TIAM1: variants seen among roughly 807,000 people sequenced by gnomAD.
TIAM1 encodes the protein TIAM Rac1 associated GEF 1, also known as rho guanine nucleotide exchange factor TIAM1.
In TIAM1, 65 loss-of-function variants were observed where a neutral mutation model predicts 163.5. The observed-to-expected ratio is 0.40, with a 90% CI of 0.33 to 0.49. The LOEUF (loss-of-function observed/expected upper bound fraction) is 0.49, where lower values mean the gene tolerates loss of function less well. Among genes scored for constraint, TIAM1 ranks in the 20% least tolerant of loss-of-function variants. The pLI is 0.77. For missense variants in TIAM1, 1,789 were observed against 2,044.7 expected (o/e 0.87, Z 2.41); for synonymous variants, 833 against 810.1 (o/e 1.03, Z -0.48).
intron 2 of TIAM1, among the ~76,000 whole-genome samples, chr21:31,455,494 C>T (rs945205757): frequency 9.2e-5 from 14 of 151,610 alleles, no homozygotes; most frequent in Non-Finnish European, 2.1e-4. Flanking sequence ...CTCACTTCAA[C>T]CTCCACCTCC....
chr21:31,168,461 C>T (rs1327822611), intron 15 of TIAM1, among the ~76,000 whole-genome samples: 4 of 151,658 alleles, frequency 2.6e-5, no homozygotes, highest in South Asian at 2.1e-4. Context: ...AGTGCAGTGG[C>T]GCAATCTCGG....
At chr21:31,494,639 T>C (rs542023865) in intron 1 of TIAM1, among the ~76,000 whole-genome samples, 32 of 152,262 alleles carry the variant, frequency 2.1e-4, no homozygotes, top group African/African-American at 7.2e-4. Context: ...GGTCAAGAGA[T>C]GGAGACCATC....
chr21:31,300,121 C>A (rs1353710365), intron 2 of TIAM1, among the ~76,000 whole-genome samples: 1 of 152,110 alleles, frequency 6.6e-6, no homozygotes, highest in Non-Finnish European at 1.5e-5. Context: ...ACTGTCTTTG[C>A]GACAGTGGGT....
At chr21:31,296,873 C>A (rs1444457410) in intron 2 of TIAM1, among the ~76,000 whole-genome samples, 1 of 152,142 alleles carries the variant, frequency 6.6e-6, no homozygotes, top group South Asian at 2.1e-4. Flanking sequence ...TCGTGTTAGC[C>A]AGGATGGTCT....
intron 2 of TIAM1, among the ~76,000 whole-genome samples, chr21:31,404,650 G>A (rs970091799): frequency 2.6e-5 from 4 of 151,376 alleles, no homozygotes; most frequent in South Asian, 2.1e-4. Flanking sequence ...TTACAGACTT[G>A]AGCTACCACT....
rs1378468610 is a variant in TIAM1 at position 31,210,705 on chromosome 21, G to GAA, written c.2218-491_2218-490insTT. Among the ~76,000 whole-genome samples, 48 of 89,810 alleles carry GAA rather than the reference G, an allele frequency of 5.3e-4. 3 individuals carry two copies. The highest frequency in any genetic ancestry group is 3.5e-3 in the African/African-American group (44 of 12,460). 58.9% of individuals were successfully genotyped at this position (89,810 alleles called of 152,430 possible). On this transcript the variant is annotated intron_variant, in intron 10 of 27. Transcript: ENST00000541036. ...AAAGAAAAAGAAAGAAAGAAAGAAAGAGAAAGAAAGAGAAAGAAAGAAAGA... is the reference window on the plus strand; with the variant it reads ...AAAGAAAAAGAAAGAAAGAAAGAAAGAAAGAAAGAAAGAGAAAGAAAGAAAGA...
At chr21:31,227,639 G>C (rs1444818687) in intron 6 of TIAM1, among the ~76,000 whole-genome samples, 2 of 152,218 alleles carry the variant, frequency 1.3e-5, no homozygotes, top group Non-Finnish European at 2.9e-5. Flanking sequence ...GTGAGGACTT[G>C]TAGATTGAGA....
At chr21:31,272,708 GT>G (rs1280347619) in intron 3 of TIAM1, among the ~76,000 whole-genome samples, 2 of 152,294 alleles carry the variant, frequency 1.3e-5, no homozygotes, top group African/African-American at 4.8e-5. Flanking sequence ...TGAAACTGTA[GT>G]TTAAAGTAAG....
chr21:31,223,463 T>C lies in TIAM1; in HGVS notation c.1938A>G (p.Pro646=), dbSNP rs770900561. The change falls in exon 8 of 28, where the codon CCA becomes CCG. Residue 646 remains proline, a synonymous_variant. Coordinates refer to ENST00000541036, the MANE Select transcript of TIAM1 (RefSeq NM_001353694.2). ...CAAGGCGGCCCATGGCCACTTTCGT[T>C]GGTCGACTTGCAAAAGCGAGAAGCC... ...PKRLLAFASR[P]TKVAMGRLGI... 1.2e-6 allele frequency: 2 copies of C among 1,614,048 alleles called. No homozygotes were observed. Among genetic ancestry groups the C allele is most frequent in the Admixed American group, 1.7e-5 (1 of 60,012 alleles).
chr21:31,120,696 C>T lies in TIAM1; in HGVS notation c.4448G>A (p.Trp1483Ter). 6.2e-7 allele frequency: 1 copy of T among 1,614,044 alleles called. No homozygotes were observed. The highest frequency in any genetic ancestry group is 8.5e-7 in the Non-Finnish European group (1 of 1,180,020). ...AGCAAGATCAAACTGCTCCTCTACC[C>T]ATCGGTCAGTGTCCCCACCACCGGG... ...QPPGGGDTDR[W>*]VEEQFDLAQY... The change falls in exon 28 of 28, where the codon TGG becomes TAG. Residue 1483 changes from tryptophan (W) to a stop codon, truncating the protein, a stop_gained. Transcript: ENST00000541036. LOFTEE classifies it high-confidence loss of function. The surrounding 1 kb of genome is among the most constrained non-coding windows in gnomAD (Gnocchi z 4.2).
rs1349323471 is a variant in TIAM1 at position 31,395,870 on chromosome 21, C to T, written c.-368-56448G>A. Among the ~76,000 whole-genome samples, 16 of 152,020 alleles carry T rather than the reference C, an allele frequency of 1.1e-4. No homozygotes were observed. Among genetic ancestry groups the T allele is most frequent in the Non-Finnish European group, 2.9e-5 (2 of 68,022 alleles). ...TGAAACAGCAGGCCAGTAGGGAGGGCCTGAACAGAAAGAAAACAAGGAGCG... is the reference window on the plus strand; with the variant it reads ...TGAAACAGCAGGCCAGTAGGGAGGGTCTGAACAGAAAGAAAACAAGGAGCG... On this transcript the variant is annotated intron_variant, in intron 2 of 28. Transcript: ENST00000286827. This position sits in a 1 kb window ranked among gnomAD's most constrained non-coding sequence, Gnocchi z 7.5.
intron 6 of TIAM1, among the ~76,000 whole-genome samples, chr21:31,228,219 TTAAAAAAAAAAAAAAAAAAAAAAA>T (rs2088121082): frequency 1.7e-4 from 3 of 17,628 alleles, no homozygotes; most frequent in African/African-American, 6.6e-4. Flanking sequence ...CCTCCTTTTT[TTAAAAAAAAAAAAAAAAAAAAAAA>T]AAAAAAAAAA....
intron 2 of TIAM1, among the ~76,000 whole-genome samples, chr21:31,448,040 C>T (rs907723424): frequency 7.9e-5 from 12 of 152,134 alleles, no homozygotes; most frequent in Non-Finnish European, 2.9e-5. Context: ...TTCAGGCCTT[C>T]AACTGAAAGG....
At chr21:31,273,213 T>C (rs1480001043) in intron 3 of TIAM1, among the ~76,000 whole-genome samples, 2 of 152,206 alleles carry the variant, frequency 1.3e-5, no homozygotes, top group Non-Finnish European at 2.9e-5. Flanking sequence ...CCAGTGAAGC[T>C]ATGGCACAGG....
intron 2 of TIAM1, among the ~76,000 whole-genome samples, chr21:31,384,518 T>C (rs931160419): frequency 1.3e-5 from 2 of 152,016 alleles, no homozygotes. Context: ...GAGGCTGCAG[T>C]GAGCTATGAT....
intron 2 of TIAM1, among the ~76,000 whole-genome samples, chr21:31,385,425 C>A (rs997074362): frequency 6.6e-6 from 1 of 151,954 alleles, no homozygotes; most frequent in African/African-American, 2.4e-5. Context: ...TGGGCTGCTA[C>A]GAAAGAAGGG....
At chr21:31,471,012 T>TCATCAG (rs756096918) in intron 1 of TIAM1, among the ~76,000 whole-genome samples, 34 of 152,040 alleles carry the variant, frequency 2.2e-4, no homozygotes, top group Non-Finnish European at 4.4e-4. Context: ...TTTGCAAAGC[T>TCATCAG]CATCAGCCCA....
intron 1 of TIAM1, among the ~76,000 whole-genome samples, chr21:31,486,405 G>A (rs1014539911): frequency 1.1e-4 from 17 of 152,376 alleles, no homozygotes; most frequent in African/African-American, 3.1e-4. Flanking sequence ...AGAAATGAGC[G>A]TCCCGCTGTC....
rs150446126 is a variant in TIAM1 at position 31,485,786 on chromosome 21, C to T, written c.-421-21751G>A. 2.2e-3 allele frequency among the ~76,000 whole-genome samples: 331 copies of T among 152,258 alleles called. 1 individual carries two copies. The highest frequency in any genetic ancestry group is 7.6e-3 in the African/African-American group (314 of 41,534). On this transcript the variant is annotated intron_variant, in intron 1 of 28. Coordinates refer to the TIAM1 transcript ENST00000286827. ...ACCACGGCCAGATACTGGTCTAAGC[C>T]CCCACACGTATTAGCACACTAAAGC...
Sources: gnomAD v4.1 joint callset for allele counts (sites outside exome capture counted in the v4.1 genomes callset) on GRCh38, gnomAD v4.1.1 for gene constraint, Gnocchi (gnomAD v3.1) non-coding constraint, MANE v1.5 for transcripts, NCBI Gene and HGNC (gene_info 2026-07-23, HGNC 2026-07-21) for gene names.